The following VPS8 variants were observed in gnomAD, a reference collection of about 807,000 sequenced individuals.
VPS8 encodes VPS8 subunit of CORVET complex, also known as vacuolar protein sorting-associated protein 8 homolog.
A neutral mutation model predicts 216.4 loss-of-function variants in VPS8; 129 were observed. The ratio of observed to expected loss-of-function variants is 0.60; its 90% confidence interval spans 0.52 to 0.69. VPS8 has a LOEUF of 0.69. Ranked by LOEUF, VPS8 falls within the 30% of genes least tolerant of loss-of-function variation. The probability of loss-of-function intolerance (pLI) is 0.00; values close to 1 mark genes in which losing one functional copy is unlikely to be tolerated. For missense variants in VPS8, 1,531 were observed against 1,683.5 expected, an observed-to-expected ratio of 0.91 and a Z score of 1.59; for synonymous variants, 571 against 565.4, an observed-to-expected ratio of 1.01 and a Z score of -0.14.
intron 40 of VPS8, among the ~76,000 whole-genome samples, chr3:184,975,592 T>C (rs552023094): frequency 6.6e-6 from 1 of 152,306 alleles, no homozygotes; most frequent in South Asian, 2.1e-4. Flanking sequence ...CTATGTTGAA[T>C]AACAGTGGTA....
chr3:184,868,572 G>C (rs893456145), intron 18 of VPS8, among the ~76,000 whole-genome samples: 6 of 152,178 alleles, frequency 3.9e-5, no homozygotes, highest in African/African-American at 1.4e-4. Context: ...ATTGTTCCCA[G>C]TGGCTACAAG....
chr3:184,882,239 A>G, intron 21 of VPS8: 2 of 359,368 alleles, frequency 5.6e-6, no homozygotes, highest in Non-Finnish European at 1.1e-5. Flanking sequence ...AAGTTGAGGA[A>G]GTTCCCCTCT....
chr3:184,901,725 G>T (rs75104353), intron 25 of VPS8, among the ~76,000 whole-genome samples: 129 of 152,082 alleles, frequency 8.5e-4, no homozygotes, highest in African/African-American at 3.0e-3. Context: ...ATCTCACCTT[G>T]TTCTCTTACC....
chr3:184,996,079 A>G (rs2109868337), intron 43 of VPS8, among the ~76,000 whole-genome samples: 1 of 152,230 alleles, frequency 6.6e-6, no homozygotes. Flanking sequence ...ACATTTCTCA[A>G]TAGAAACTAA....
At chr3:184,868,297 G>C (rs893412671) in intron 18 of VPS8, 4 of 458,664 alleles carry the variant, frequency 8.7e-6, no homozygotes, top group Non-Finnish European at 1.5e-5. Context: ...AGATTTCTCT[G>C]TCATGTAAAA....
intron 21 of VPS8, among the ~76,000 whole-genome samples, chr3:184,873,092 C>T (rs955098226): frequency 6.6e-6 from 1 of 152,026 alleles, no homozygotes; most frequent in Non-Finnish European, 1.5e-5. Context: ...ATACGATGTG[C>T]CAGATACTAT....
intron 40 of VPS8, among the ~76,000 whole-genome samples, chr3:184,972,613 A>C (rs1336941312): frequency 6.6e-6 from 1 of 152,200 alleles, no homozygotes; most frequent in Non-Finnish European, 1.5e-5. Context: ...CATGTTTTAA[A>C]GCTCCCTTCA....
intron 35 of VPS8, among the ~76,000 whole-genome samples, chr3:184,939,434 A>G (rs1450973489): frequency 6.6e-6 from 1 of 152,054 alleles, no homozygotes; most frequent in East Asian, 1.9e-4. Flanking sequence ...AACAATAACA[A>G]TTTTTGCATA....
At position 184,971,672 on chromosome 3, in the gene VPS8, A is replaced by G. The variant is rs776615131; in HGVS notation, c.3340A>G (p.Lys1114Glu). 2 of 1,613,080 alleles carry G rather than the reference A, an allele frequency of 1.2e-6. No individual in the cohort carries two copies. Among genetic ancestry groups the G allele is most frequent in the Non-Finnish European group, 1.7e-6 (2 of 1,179,404 alleles). Reference protein sequence around the residue: ...GENTKEDPSLKDVEDTMVETI... With the variant: ...GENTKEDPSLEDVEDTMVETI... ...AGATACCAAAGAGGATCCCTCATTG[A>G]AGGATGTTGAAGATACTATGGTGGA... The change falls in exon 40 of 48, where the codon AAG (lysine) becomes GAG (glutamate). Residue 1114 changes from lysine to glutamate, a missense_variant. By Grantham distance (56) the Lys-to-Glu change is moderately conservative (BLOSUM62 1). This residue lies in a region of VPS8 where 1,318 missense variants were observed against 1,468.4 expected (regional missense o/e 0.90). Transcript: ENST00000625842.
At chr3:184,942,225 A>G (rs1742843975) in intron 36 of VPS8, among the ~76,000 whole-genome samples, 1 of 152,186 alleles carries the variant, frequency 6.6e-6, no homozygotes, top group Admixed American at 6.5e-5. Context: ...CTTCTTACCT[A>G]TATCTAGATT....
Position 184,821,666 on chromosome 3 carries a change from T to C in VPS8, c.-88-2879T>C, listed in dbSNP as rs116872639. Among the ~76,000 whole-genome samples the C allele has an allele frequency of 2.0e-5, 3 of 152,256 alleles. No homozygotes were observed. In the East Asian group the frequency reaches 5.8e-4, roughly 29 times the overall value. On this transcript the variant is annotated intron_variant, in intron 1 of 47. Coordinates refer to ENST00000625842, the MANE Select transcript of VPS8 (RefSeq NM_001009921.3). ...GTGCCTGGCCTCTACTTCGTTTTTT[T>C]AGATAGGTTTCATGCTTGCTAGAGA...
chr3:184,968,176 A>G (rs1170857537), intron 39 of VPS8, among the ~76,000 whole-genome samples: 5 of 152,154 alleles, frequency 3.3e-5, no homozygotes, highest in Admixed American at 6.5e-5. Flanking sequence ...TATTTAACTT[A>G]CCATAAGGTT....
chr3:184,942,805 A>G (rs1053137695), intron 36 of VPS8, among the ~76,000 whole-genome samples: 3 of 152,218 alleles, frequency 2.0e-5, no homozygotes, highest in Admixed American at 2.0e-4. Flanking sequence ...ATTTTAAATG[A>G]TAGTATCTCA....
chr3:184,933,710 C>A lies in VPS8; in HGVS notation c.2899-2536C>A, dbSNP rs191927891. ...TTTAGAATACAGATGCCCAATTTTC[C>A]CAGCAGCAATTATTTTTAAAGGTTG... On this transcript the variant is annotated intron_variant, in intron 34 of 47. Coordinates refer to ENST00000625842, the MANE Select transcript of VPS8 (RefSeq NM_001009921.3). 2.3e-3 allele frequency among the ~76,000 whole-genome samples: 355 copies of A among 152,164 alleles called. 1 individual carries two copies. The highest frequency in any genetic ancestry group is 0.01 in the Middle Eastern group (3 of 294).
intron 36 of VPS8, 51 bp from the exon 37 acceptor site, chr3:184,957,323 T>A: frequency 1.9e-6 from 3 of 1,542,226 alleles, no homozygotes; most frequent in Admixed American, 3.9e-5. Context: ...ATTATAGATG[T>A]GATTAAATAA....
chr3:184,917,075 A>C (rs1737722611), intron 28 of VPS8, among the ~76,000 whole-genome samples: 1 of 152,214 alleles, frequency 6.6e-6, no homozygotes, highest in African/African-American at 2.4e-5. Context: ...CCTTAGGGGA[A>C]GTACAGGATG....
At chr3:184,830,780 C>A (rs1169169052) in intron 3 of VPS8, among the ~76,000 whole-genome samples, 1 of 152,176 alleles carries the variant, frequency 6.6e-6, no homozygotes, top group Non-Finnish European at 1.5e-5. Flanking sequence ...TTTCCTACAG[C>A]AATCGTTCCA....
chr3:184,825,461 A>G (rs1718559258), intron 2 of VPS8, among the ~76,000 whole-genome samples: 1 of 152,182 alleles, frequency 6.6e-6, no homozygotes, highest in Non-Finnish European at 1.5e-5. Flanking sequence ...ATCTCTCACC[A>G]TAATTTATGA....
At chr3:184,885,623 C>CT (rs898113514) in intron 21 of VPS8, among the ~76,000 whole-genome samples, 14 of 151,900 alleles carry the variant, frequency 9.2e-5, no homozygotes, top group South Asian at 2.1e-4. Context: ...TTATGGTTTT[C>CT]TTTTTTTTGC....
Sources: gnomAD v4.1 joint callset for allele counts (sites outside exome capture counted in the v4.1 genomes callset) on GRCh38, gnomAD v4.1.1 for gene constraint, gnomAD v4.1.1 regional missense constraint, MANE v1.5 for transcripts, NCBI Gene and HGNC (gene_info 2026-07-23, HGNC 2026-07-21) for gene names.